Variants in UGCG observed in about 807,000 individuals in gnomAD.
The protein encoded by UGCG is UDP-glucose ceramide glucosyltransferase, also known as ceramide glucosyltransferase.
A neutral mutation model predicts 49.5 loss-of-function variants in UGCG; 10 were observed. The observed-to-expected ratio is 0.20, with a 90% CI of 0.12 to 0.34. UGCG has a LOEUF of 0.34. UGCG is among the 10% of genes least tolerant of loss of function. UGCG has a pLI of 1.00. For synonymous variants in UGCG, 182 were observed against 158.2 expected (o/e 1.15, Z -1.13); for missense variants, 312 against 483.7 (o/e 0.65, Z 3.33).
At position 111,934,135 on chromosome 9, in the gene UGCG, T is replaced by TG. The variant is rs1564207778; in HGVS notation, c.*1138_*1139insG. On this transcript the variant is annotated 3_prime_UTR_variant, in exon 9 of 9. Transcript: ENST00000374279. The stretch of plus-strand genomic sequence containing the variant: ...ACTAAGTCTACTGTGTGTGTTTTTT[T>TG]TTTTTGTTTTTTGTTTTTGTTTGTT... 6.6e-6 allele frequency: 1 copy of TG among 151,612 alleles called. No individual in the cohort carries two copies. Among genetic ancestry groups the TG allele is most frequent in the African/African-American group, 2.4e-5 (1 of 41,374 alleles). 9.4% of individuals were successfully genotyped at this position (151,612 alleles called of 1,614,324 possible). A position where few individuals can be genotyped will look rare whatever the true frequency, so the allele number is the denominator to read the frequency against.
intron 1 of UGCG, among the ~76,000 whole-genome samples, chr9:111,900,016 A>G (rs912806590): frequency 5.3e-5 from 8 of 152,236 alleles, no homozygotes; most frequent in African/African-American, 1.9e-4. Flanking sequence ...TAACATTCAG[A>G]TTAGAGACAT....
In UGCG at chr9:111,924,769, A is replaced by C. The variant is rs776062074; in HGVS notation, c.344-8A>C. The stretch of plus-strand genomic sequence containing the variant: ...AAATCTTTTACTACTGTACCTTTAC[A>C]TTTTTAGGTGGCAAAAAAGTTGGCA... On this transcript the variant is annotated splice_polypyrimidine_tract_variant and splice_region_variant and intron_variant, in intron 3 of 8. Transcript: ENST00000374279. The C allele has an allele frequency of 2.0e-6, 3 of 1,493,122 alleles. No homozygotes were observed. Among genetic ancestry groups the C allele is most frequent in the Non-Finnish European group, 2.7e-6 (3 of 1,115,912 alleles). The allele number at this position is 1,493,122 out of a possible 1,614,324, so 92.5% of individuals were successfully genotyped here.
chr9:111,921,802 ATTTTT>A (rs71373800), intron 2 of UGCG, among the ~76,000 whole-genome samples: 23 of 55,532 alleles, frequency 4.1e-4, no homozygotes, highest in East Asian at 2.4e-3. Context: ...CCCCAGGGTG[ATTTTT>A]TTTTTTTTTT....
intron 2 of UGCG, 70 bp downstream of exon 2, chr9:111,914,816 G>T: frequency 6.3e-7 from 1 of 1,589,130 alleles, no homozygotes; most frequent in Non-Finnish European, 8.6e-7. Flanking sequence ...AACATTTAGG[G>T]ATTTTAACAC....
intron 2 of UGCG, among the ~76,000 whole-genome samples, chr9:111,918,162 C>T (rs1433936673): frequency 6.6e-6 from 1 of 152,108 alleles, no homozygotes; most frequent in Non-Finnish European, 1.5e-5. Flanking sequence ...CCGTGTCAGC[C>T]TCCCGAGAAG....
In UGCG at chr9:111,929,646, A is replaced by G. The variant is rs749953347; in HGVS notation, c.705A>G (p.Glu235=). ...GLIAFAQYIA[E]DYFMAKAIAD... is the part of the protein sequence containing the mutation. ...TAGCTTTTGCTCAGTACATTGCCGAAGATTACTTTATGGCCAAAGCGATAG... is the reference window on the plus strand; with the variant it reads ...TAGCTTTTGCTCAGTACATTGCCGAGGATTACTTTATGGCCAAAGCGATAG... Residue 235 remains glutamate (E), a synonymous_variant, in exon 6 of 9, where the codon GAA becomes GAG. Transcript: ENST00000374279. 1.2e-6 allele frequency: 2 copies of G among 1,613,830 alleles called. No homozygotes were observed. Among genetic ancestry groups the G allele is most frequent in the South Asian group, 2.2e-5 (2 of 90,948 alleles).
chr9:111,932,447 A>T, intron 8 of UGCG, 88 bp downstream of exon 8: 1 of 1,331,402 alleles, frequency 7.5e-7, no homozygotes, highest in Non-Finnish European at 1.0e-6. Flanking sequence ...AATGTATCTG[A>T]GCCATTCTTC....
At chr9:111,897,882 C>T (rs939915945) in intron 1 of UGCG, among the ~76,000 whole-genome samples, 1 of 151,228 alleles carries the variant, frequency 6.6e-6, no homozygotes, top group East Asian at 1.9e-4. Flanking sequence ...TACATCTCAG[C>T]GTGGTTTTCT....
chr9:111,926,221 CAGAA>C (rs1483203039), intron 4 of UGCG, among the ~76,000 whole-genome samples, 159 bp from the exon 5 acceptor site: 1 of 152,182 alleles, frequency 6.6e-6, no homozygotes, highest in African/African-American at 2.4e-5. Context: ...GTATTCTCCT[CAGAA>C]AGGTGGTTGA....
intron 1 of UGCG, among the ~76,000 whole-genome samples, chr9:111,913,082 G>A (rs1439758079): frequency 1.3e-5 from 2 of 152,228 alleles, no homozygotes; most frequent in East Asian, 1.9e-4. Context: ...AAATCAAGAT[G>A]CATTGATGCA....
chr9:111,921,828 T>TTTTTTTTTTTTA (rs1838227949), intron 2 of UGCG, among the ~76,000 whole-genome samples: 1 of 134,298 alleles, frequency 7.4e-6, no homozygotes, highest in Non-Finnish European at 1.6e-5. Flanking sequence ...TTTTTTTTTT[T>TTTTTTTTTTTTA]GAGGCAGGGT....
rs561863822 is a variant in UGCG, at chr9:111,900,810, G to GT, written c.98+3505dup. On this transcript the variant is annotated intron_variant, in intron 1 of 8. Transcript: ENST00000374279. ...GCCTGGCCCCCTGGAGATTTTTTAAGTTTTTTTTAAAGTTAATTCTGCTTT... is the reference window on the plus strand; with the variant it reads ...GCCTGGCCCCCTGGAGATTTTTTAAGTTTTTTTTTAAAGTTAATTCTGCTTT... Among the ~76,000 whole-genome samples, 23 of 152,000 alleles carry GT rather than the reference G, an allele frequency of 1.5e-4. 1 individual carries two copies. The East Asian group carries it at 3.5e-3, about 23-fold the overall frequency.
intron 1 of UGCG, among the ~76,000 whole-genome samples, chr9:111,908,739 G>A (rs1837939111): frequency 6.6e-6 from 1 of 152,208 alleles, no homozygotes; most frequent in Non-Finnish European, 1.5e-5. Context: ...CTTGTGCAAC[G>A]TGTAGGAATC....
intron 1 of UGCG, among the ~76,000 whole-genome samples, chr9:111,913,308 C>T (rs1188016689): frequency 6.6e-6 from 1 of 152,200 alleles, no homozygotes; most frequent in Non-Finnish European, 1.5e-5. Context: ...AAGTACTTGT[C>T]ACATATTTAC....
chr9:111,905,435 T>C (rs975537385), intron 1 of UGCG, among the ~76,000 whole-genome samples: 19 of 152,008 alleles, frequency 1.2e-4, no homozygotes, highest in African/African-American at 4.3e-4. Context: ...TGATCCCCAC[T>C]TTTAGTCTCC....
At chr9:111,924,976 T>A in intron 4 of UGCG, 98 bp downstream of exon 4, 1 of 565,898 alleles carries the variant, frequency 1.8e-6, no homozygotes, top group Non-Finnish European at 2.6e-6. Context: ...TTTATTTGCC[T>A]AAAAGAGTAA....
chr9:111,929,234 G>T, intron 5 of UGCG: 1 of 312,116 alleles, frequency 3.2e-6, no homozygotes. Flanking sequence ...TTGAATATTT[G>T]TTAATATTTT....
At chr9:111,930,123 A>G (rs1779100383) in intron 6 of UGCG, among the ~76,000 whole-genome samples, 1 of 152,272 alleles carries the variant, frequency 6.6e-6, no homozygotes, top group Admixed American at 6.5e-5. Flanking sequence ...CAGCAGATCA[A>G]TAATTTTATA....
intron 1 of UGCG, among the ~76,000 whole-genome samples, chr9:111,899,477 A>C (rs1837728265): frequency 6.6e-6 from 1 of 152,186 alleles, no homozygotes; most frequent in Admixed American, 6.5e-5. Context: ...CCTGTGCTGC[A>C]ATCTGTTGCT....
Sources: allele counts gnomAD v4.1 joint callset (sites outside exome capture counted in the v4.1 genomes callset), GRCh38; gene constraint gnomAD v4.1.1; transcripts MANE v1.5; gene names NCBI Gene and HGNC (gene_info 2026-07-23, HGNC 2026-07-21).